Variants in ATP12A observed in about 807,000 individuals in gnomAD.
ATP12A encodes ATPase H+/K+ transporting non-gastric alpha2 subunit, also known as potassium-transporting ATPase alpha chain 2.
ATP12A carries 81 observed loss-of-function variants against 111.2 expected under a neutral mutation model. The observed-to-expected ratio is 0.73, with a 90% CI of 0.61 to 0.88. The LOEUF (loss-of-function observed/expected upper bound fraction) is 0.88. Among genes scored for constraint, ATP12A ranks in the 40% least tolerant of loss-of-function variants. The probability of loss-of-function intolerance (pLI) is 0.00; values close to 1 mark genes in which losing one functional copy is unlikely to be tolerated. For missense variants in ATP12A, 1,196 were observed against 1,313.1 expected (o/e 0.91, Z 1.38); for synonymous variants, 498 against 499.8 (o/e 1.00, Z 0.05).
At position 24,707,303 on chromosome 13, in the gene ATP12A, A is replaced by G. The variant is rs200578986; in HGVS notation, c.2363A>G (p.Lys788Arg). The change falls in exon 17 of 23, where the codon AAG (lysine) becomes AGG (arginine). Residue 788 changes from lysine to arginine, a missense_variant. Physicochemically the swap from Lys to Arg is conservative, Grantham distance 26. Around this residue, in one of 3 missense-constraint regions of ATP12A, gnomAD observed 1,126 missense variants for 1,228.5 expected, o/e 0.92. Coordinates refer to ENST00000381946, the MANE Select transcript of ATP12A (RefSeq NM_001676.7). ...GGTCGCCTGATCTTTGACAACCTCA[A>G]GAAGACTATTGCTTATTCCCTGACC... ...EEGRLIFDNLKKTIAYSLTKN... is the reference protein window; with the variant it reads ...EEGRLIFDNLRKTIAYSLTKN... The G allele has an allele frequency of 6.2e-7, 1 of 1,614,206 alleles. No individual in the cohort carries two copies. The highest frequency in any genetic ancestry group is 1.7e-5 in the Admixed American group (1 of 60,034).
chr13:24,711,288 A>AGG (rs1491412794), intron 21 of ATP12A, 30 bp from the exon 22 acceptor site: 4 of 1,567,196 alleles, frequency 2.6e-6, no homozygotes, highest in Non-Finnish European at 3.5e-6. Flanking sequence ...TGGATGAGTC[A>AGG]GGGTTCACTT....
At position 24,685,496 on chromosome 13, in the gene ATP12A, G is replaced by A. The variant is rs767136336; in HGVS notation, c.228+123G>A. 344 of 924,796 alleles carry A rather than the reference G, an allele frequency of 3.7e-4. No homozygotes were observed. The highest frequency in any genetic ancestry group is 5.2e-4 in the Non-Finnish European group (297 of 574,946). The allele number at this position is 924,796 out of a possible 1,614,324, so 57.3% of individuals were successfully genotyped here. On this transcript the variant is annotated intron_variant, in intron 3 of 22. Coordinates refer to ENST00000381946, the MANE Select transcript of ATP12A (RefSeq NM_001676.7). This position sits in a 1 kb window ranked among gnomAD's most constrained non-coding sequence, Gnocchi z 5.5. ...CTTTAGGAGGAGGGGCCCCTGCAGC[G>A]CCTTTGAGACTGCAGTTATTTGCAT...
intron 14 of ATP12A, among the ~76,000 whole-genome samples, chr13:24,703,292 T>G (rs1964464): frequency 0.57 from 86,224 of 152,132 alleles, 24,757 homozygotes; most frequent in South Asian, 0.74. Context: ...ACCCACGCTG[T>G]AATGCAGTGG....
Position 24,685,448 on chromosome 13 carries a change from G to A in ATP12A, c.228+75G>A. 1.3e-6 allele frequency: 2 copies of A among 1,505,470 alleles called. No individual in the cohort carries two copies. The highest frequency in any genetic ancestry group is 4.5e-5 in the East Asian group (2 of 44,388). The allele number at this position is 1,505,470 out of a possible 1,614,324, so 93.3% of individuals were successfully genotyped here. A position where few individuals can be genotyped will look rare whatever the true frequency, so the allele number is the denominator to read the frequency against. On this transcript the variant is annotated intron_variant, in intron 3 of 22. Transcript: ENST00000381946. The surrounding 1 kb of genome is among the most constrained non-coding windows in gnomAD (Gnocchi z 5.5). Reference sequence around the variant, plus strand: ...GAGGGAAGGCTGTGTGTGGCGGGGGGCTGTGTGGAAGAGTAGCGGCACCTT... The same window carrying A: ...GAGGGAAGGCTGTGTGTGGCGGGGGACTGTGTGGAAGAGTAGCGGCACCTT...
At chr13:24,706,909 C>T (rs1875676921) in intron 15 of ATP12A, 114 bp from the exon 16 acceptor site, 9 of 1,196,858 alleles carry the variant, frequency 7.5e-6, no homozygotes, top group African/African-American at 1.5e-5. Flanking sequence ...CCTTTCCGTT[C>T]AGCTATAATC....
intron 9 of ATP12A, 43 bp from the exon 10 acceptor site, chr13:24,692,744 C>T (rs1420909399): frequency 2.5e-6 from 4 of 1,606,016 alleles, no homozygotes; most frequent in African/African-American, 2.7e-5. Flanking sequence ...CATGGACGGC[C>T]AGCCCAACCC....
Position 24,691,156 on chromosome 13 carries a change from C to G in ATP12A, c.974C>G (p.Ala325Gly). Residue 325 changes from alanine to glycine, a missense_variant, in exon 8 of 23, where the codon GCT (alanine) becomes GGT (glycine). Coordinates refer to ENST00000381946, the MANE Select transcript of ATP12A (RefSeq NM_001676.7). ...VSIGILFFIIAVSLKYQVLDS... is the reference protein window; with the variant it reads ...VSIGILFFIIGVSLKYQVLDS... ...ATCGGCATCCTTTTCTTCATCATCG[C>G]TGTGTCCCTGAAGTATCAAGTCCTG... 6.2e-7 allele frequency: 1 copy of G among 1,614,192 alleles called. No individual in the cohort carries two copies. Among genetic ancestry groups the G allele is most frequent in the Non-Finnish European group, 8.5e-7 (1 of 1,180,040 alleles).
chr13:24,694,572 A>G lies in ATP12A; in HGVS notation c.1506A>G (p.Lys502=). ...AAATCCCTTTTAACTCTACTAATAA[A>G]TTTCAGGTGAGTTTTTCCTCACAAC... ...VAEIPFNSTN[K]FQLSIHEMDD... is the part of the protein sequence containing the mutation. Residue 502 remains lysine (K), a synonymous_variant, in exon 11 of 23, where the codon AAA becomes AAG. Transcript: ENST00000381946. The G allele has an allele frequency of 8.7e-6, 14 of 1,612,542 alleles. No individual in the cohort carries two copies. Among genetic ancestry groups the G allele is most frequent in the Non-Finnish European group, 1.2e-5 (14 of 1,179,966 alleles).
intron 11 of ATP12A, among the ~76,000 whole-genome samples, chr13:24,694,861 TCACACA>T (rs773803839): frequency 0.026 from 1,092 of 42,114 alleles, 6 homozygotes; most frequent in Non-Finnish European, 0.041. Flanking sequence ...TCTCTCTCTC[TCACACA>T]CACACACACA....
At chr13:24,681,256 A>T (rs1874418452) in intron 1 of ATP12A, among the ~76,000 whole-genome samples, 1 of 152,012 alleles carries the variant, frequency 6.6e-6, no homozygotes, top group Non-Finnish European at 1.5e-5. Context: ...AGCTCCTTGG[A>T]GGCATCAGTC....
intron 21 of ATP12A, 138 bp downstream of exon 21, chr13:24,711,031 C>A: frequency 1.2e-6 from 1 of 848,044 alleles, no homozygotes; most frequent in Non-Finnish European, 1.8e-6. Context: ...GCTCTGTGAG[C>A]CCAAAGCTTT....
At chr13:24,701,325 C>T (rs531693335) in intron 13 of ATP12A, among the ~76,000 whole-genome samples, 1 of 151,784 alleles carries the variant, frequency 6.6e-6, no homozygotes, top group East Asian at 1.9e-4. Context: ...ATGGTGAAAC[C>T]CCGTTTCTAC....
chr13:24,694,355 G>A, intron 10 of ATP12A, 89 bp from the exon 11 acceptor site: 2 of 1,513,572 alleles, frequency 1.3e-6, no homozygotes, highest in Non-Finnish European at 9.0e-7. Context: ...GTGGTAATGG[G>A]ATCAGGAGGG....
At chr13:24,710,332 T>C in intron 19 of ATP12A, 128 bp from the exon 20 acceptor site, 1 of 1,139,456 alleles carries the variant, frequency 8.8e-7, no homozygotes, top group South Asian at 1.6e-5. Flanking sequence ...TTCCAAACAC[T>C]AGAAGGTGGT....
chr13:24,704,144 T>C (rs1728935366), intron 14 of ATP12A, among the ~76,000 whole-genome samples: 1 of 152,108 alleles, frequency 6.6e-6, no homozygotes. Context: ...GTTACAGGCA[T>C]GTGCCACCAC....
chr13:24,702,521 C>T lies in ATP12A; in HGVS notation c.2018+450C>T, dbSNP rs563860843. Among the ~76,000 whole-genome samples, 308 of 152,290 alleles carry T rather than the reference C, an allele frequency of 2.0e-3. 4 individuals are homozygous for T. The highest frequency in any genetic ancestry group is 7.2e-3 in the African/African-American group (299 of 41,548). On this transcript the variant is annotated intron_variant, in intron 14 of 22. Transcript: ENST00000381946. ...CATAACGTGTAGCTATGTAAACACA[C>T]CCTTCTTTTTTATTTGGTAATAGAT...
rs1452581735 is a variant in ATP12A at position 24,700,823 on chromosome 13, G to A, written c.1782G>A (p.Pro594=). ...TTGACATAGACGCTATGAACTTTCC[G>A]ACCTCCAACCTCTGTTTTGTGGGAC... ...YSFDIDAMNF[P]TSNLCFVGLL... is the part of the protein sequence containing the mutation. The change falls in exon 13 of 23, where the codon CCG becomes CCA. Residue 594 remains proline (P), a synonymous_variant. Transcript: ENST00000381946. 6.2e-6 allele frequency: 10 copies of A among 1,614,004 alleles called. No individual in the cohort carries two copies. Among genetic ancestry groups the A allele is most frequent in the East Asian group, 2.2e-5 (1 of 44,870 alleles).
At position 24,711,414 on chromosome 13, in the gene ATP12A, G is replaced by A; in HGVS notation, c.3091+5G>A. 1 of 1,613,928 alleles carries A rather than the reference G, an allele frequency of 6.2e-7. No homozygotes were observed. The highest frequency in any genetic ancestry group is 8.5e-7 in the Non-Finnish European group (1 of 1,179,940). ...TCATCAGGCTCTACCCTGGAAGTGA[G>A]TAGCCTATGATTTTAGAGGCTCTGT... On this transcript the variant is annotated splice_donor_5th_base_variant and intron_variant, in intron 22 of 22. Transcript: ENST00000381946.
Position 24,709,402 on chromosome 13 carries a change from T to G in ATP12A, c.2532T>G (p.Ser844Arg), listed in dbSNP as rs1293852089. Residue 844 changes from serine (S) to arginine (R), a missense_variant, in exon 18 of 23, where the codon AGT (serine) becomes AGG (arginine). Around this residue, in one of 3 missense-constraint regions of ATP12A, gnomAD observed 1,126 missense variants for 1,228.5 expected, o/e 0.92. Transcript: ENST00000381946. ...CCTTGGCGTACGAGAAAGCTGAAAG[T>G]GACATCATGAACAGGAAGCCTCGCC... The part of the protein sequence containing the change: ...SIALAYEKAE[S>R]DIMNRKPRHK... 1 of 1,613,040 alleles carries G rather than the reference T, an allele frequency of 6.2e-7. No homozygotes were observed. The highest frequency in any genetic ancestry group is 8.5e-7 in the Non-Finnish European group (1 of 1,179,842).
Sources: allele counts gnomAD v4.1 joint callset (sites outside exome capture counted in the v4.1 genomes callset), GRCh38; gene constraint gnomAD v4.1.1; regional missense constraint gnomAD v4.1.1; non-coding constraint Gnocchi (gnomAD v3.1); transcripts MANE v1.5; gene names NCBI Gene and HGNC (gene_info 2026-07-23, HGNC 2026-07-21).